Variants in NTRK2 observed in about 807,000 individuals in gnomAD.
NTRK2 encodes the protein BDNF/NT-3 growth factors receptor.
In NTRK2, 13 loss-of-function variants were observed where a neutral mutation model predicts 94.5. That is an observed-to-expected ratio of 0.14 (90% confidence interval 0.09 to 0.22). The LOEUF (loss-of-function observed/expected upper bound fraction) is 0.22. Ranked by LOEUF, NTRK2 falls within the 10% of genes least tolerant of loss-of-function variation. NTRK2 has a pLI of 1.00. For synonymous variants in NTRK2, 372 were observed against 407.4 expected (o/e 0.91, Z 1.05); for missense variants, 639 against 1,071.2 (o/e 0.60, Z 5.63).
intron 6 of NTRK2, among the ~76,000 whole-genome samples, chr9:84,722,025 A>C (rs1052927927): frequency 6.6e-6 from 1 of 152,168 alleles, no homozygotes; most frequent in Admixed American, 6.5e-5. Context: ...TGAAGAAAAC[A>C]CATTGAGAAA....
At chr9:84,728,095 A>T in intron 9 of NTRK2, 136 bp downstream of exon 9, 1 of 814,950 alleles carries the variant, frequency 1.2e-6, no homozygotes, top group South Asian at 1.5e-5. Flanking sequence ...TCATGGATCC[A>T]TAGGTCAGCG....
At chr9:84,710,096 A>G (rs917512482) in intron 5 of NTRK2, among the ~76,000 whole-genome samples, 1 of 152,192 alleles carries the variant, frequency 6.6e-6, no homozygotes, top group African/African-American at 2.4e-5. Context: ...TGTATAATGC[A>G]GAAAGCTAGG....
In NTRK2 at chr9:84,949,223, T is replaced by C. The variant is rs546489170; in HGVS notation, c.1937+589T>C. ...GATCCAAATCCAAAGAAGAAAAGCTTCAGAAGGAAGGAGGTAAAAACATTG... is the reference window on the plus strand; with the variant it reads ...GATCCAAATCCAAAGAAGAAAAGCTCCAGAAGGAAGGAGGTAAAAACATTG... On this transcript the variant is annotated intron_variant, in intron 16 of 18. Coordinates refer to ENST00000277120, the MANE Select transcript of NTRK2 (RefSeq NM_006180.6). 3.0e-4 allele frequency among the ~76,000 whole-genome samples: 46 copies of C among 152,176 alleles called. 1 individual carries two copies. The highest frequency in any genetic ancestry group is 1.1e-3 in the African/African-American group (46 of 41,492).
chr9:84,763,857 G>C (rs1205071636), intron 12 of NTRK2, among the ~76,000 whole-genome samples: 1 of 150,066 alleles, frequency 6.7e-6, no homozygotes, highest in African/African-American at 2.5e-5. Context: ...GAGTTTCTTT[G>C]GTCCCTTGCA....
intron 2 of NTRK2, among the ~76,000 whole-genome samples, chr9:84,693,251 G>A (rs1042779473): frequency 5.9e-5 from 9 of 152,184 alleles, no homozygotes; most frequent in Admixed American, 1.3e-4. Context: ...CATGCTACTT[G>A]TAGACTGAGA....
intron 9 of NTRK2, among the ~76,000 whole-genome samples, chr9:84,729,403 T>G (rs2062686045): frequency 6.6e-6 from 1 of 152,216 alleles, no homozygotes; most frequent in African/African-American, 2.4e-5. Flanking sequence ...GTTTAGCTGC[T>G]TGGCTATGGT....
In NTRK2 at chr9:84,918,504, A is replaced by T. The variant is rs2077464804; in HGVS notation, c.1634-15658A>T. Reference sequence around the variant, plus strand: ...TTTGCACTGGGGAGGTCTGAAGGGGATCCACACAGTGTTTATGCATGAGTG... The same window carrying T: ...TTTGCACTGGGGAGGTCTGAAGGGGTTCCACACAGTGTTTATGCATGAGTG... On this transcript the variant is annotated intron_variant, in intron 14 of 18. Coordinates refer to ENST00000277120, the MANE Select transcript of NTRK2 (RefSeq NM_006180.6). 2.6e-5 allele frequency among the ~76,000 whole-genome samples: 4 copies of T among 152,220 alleles called. No individual in the cohort carries two copies. The South Asian group carries it at 6.2e-4, about 24-fold the overall frequency.
chr9:84,872,078 A>C, intron 14 of NTRK2: 1 of 1,364,910 alleles, frequency 7.3e-7, no homozygotes, highest in Non-Finnish European at 9.5e-7. Flanking sequence ...CAGGATGGCA[A>C]GATGGAGCTG....
Position 84,879,139 on chromosome 9 carries a change from A to G in NTRK2, c.1633+11708A>G, listed in dbSNP as rs577764407. The stretch of plus-strand genomic sequence containing the variant: ...GAGGAAATGAATGAGGCTGCCAAAG[A>G]GAGAGAGAGAGAGAGACAGAGAGAG... On this transcript the variant is annotated intron_variant, in intron 14 of 18. Coordinates refer to ENST00000277120, the MANE Select transcript of NTRK2 (RefSeq NM_006180.6). Among the ~76,000 whole-genome samples the G allele has an allele frequency of 8.9e-4, 132 of 149,054 alleles. 2 individuals are homozygous for G. The highest frequency in any genetic ancestry group is 2.3e-3 in the Admixed American group (35 of 14,964).
chr9:84,714,381 T>G (rs1294655728), intron 6 of NTRK2, among the ~76,000 whole-genome samples: 1 of 152,220 alleles, frequency 6.6e-6, no homozygotes, highest in East Asian at 1.9e-4. Flanking sequence ...TCATTAATCC[T>G]CTTCTGCTTT....
intron 14 of NTRK2, among the ~76,000 whole-genome samples, chr9:84,918,260 G>A (rs935890986): frequency 1.8e-4 from 28 of 152,198 alleles, no homozygotes; most frequent in African/African-American, 6.5e-4. Context: ...GGAACTGGCT[G>A]GCCATCATAC....
chr9:84,743,369 C>G (rs564631075), intron 10 of NTRK2, among the ~76,000 whole-genome samples: 1 of 152,012 alleles, frequency 6.6e-6, no homozygotes, highest in African/African-American at 2.4e-5. Flanking sequence ...TTTATTTTTT[C>G]TATAAAATGA....
intron 11 of NTRK2, among the ~76,000 whole-genome samples, chr9:84,747,823 A>T (rs2064228353): frequency 6.6e-6 from 1 of 152,144 alleles, no homozygotes; most frequent in Non-Finnish European, 1.5e-5. Context: ...TAGGCACCTG[A>T]TTGGCATATC....
chr9:84,688,547 C>T (rs72737664), intron 2 of NTRK2, among the ~76,000 whole-genome samples: 7 of 152,076 alleles, frequency 4.6e-5, no homozygotes, highest in African/African-American at 1.4e-4. Flanking sequence ...AGATCACAAG[C>T]AAAGCATAGA....
chr9:84,791,069 CT>C (rs548108537), intron 12 of NTRK2, among the ~76,000 whole-genome samples: 1 of 152,158 alleles, frequency 6.6e-6, no homozygotes, highest in Non-Finnish European at 1.5e-5. Context: ...CTCTAACTTA[CT>C]AATGTCAGAG....
At chr9:84,760,749 G>A (rs569495335) in intron 12 of NTRK2, among the ~76,000 whole-genome samples, 2 of 152,318 alleles carry the variant, frequency 1.3e-5, no homozygotes, top group South Asian at 2.1e-4. Context: ...GTAAAGAGGT[G>A]GAAAGGGCAG....
intron 12 of NTRK2, among the ~76,000 whole-genome samples, chr9:84,768,638 T>A (rs1191277582): frequency 6.6e-6 from 1 of 152,188 alleles, no homozygotes; most frequent in African/African-American, 2.4e-5. Context: ...CAGAAATTCA[T>A]CATGACTTTT....
At chr9:84,930,303 C>T (rs1385001043) in intron 14 of NTRK2, among the ~76,000 whole-genome samples, 4 of 152,172 alleles carry the variant, frequency 2.6e-5, no homozygotes, top group Non-Finnish European at 4.4e-5. Flanking sequence ...AGGCAGGTTA[C>T]TGAGCCTTTC....
At chr9:84,825,882 G>T (rs1194081574) in intron 12 of NTRK2, among the ~76,000 whole-genome samples, 1 of 152,216 alleles carries the variant, frequency 6.6e-6, no homozygotes, top group African/African-American at 2.4e-5. Flanking sequence ...CAAAGAAACA[G>T]ATGAAAAAGA....
Sources: allele counts gnomAD v4.1 joint callset (sites outside exome capture counted in the v4.1 genomes callset), GRCh38; gene constraint gnomAD v4.1.1; transcripts MANE v1.5; gene names NCBI Gene and HGNC (gene_info 2026-07-23, HGNC 2026-07-21).